FOXO1: variants seen among roughly 807,000 people sequenced by gnomAD.
The protein encoded by FOXO1 is forkhead box protein O1.
A neutral mutation model predicts 44.1 loss-of-function variants in FOXO1; 6 were observed. That is an observed-to-expected ratio of 0.14 (90% CI 0.07 to 0.27). The LOEUF is 0.27. FOXO1 is among the 10% of genes least tolerant of loss of function. The pLI is 1.00. For synonymous variants in FOXO1, 380 were observed against 362.7 expected (o/e 1.05, Z -0.54); for missense variants, 737 against 888.8 (o/e 0.83, Z 2.17).
rs140608722 is a variant in FOXO1, at chr13:40,632,429, G to A, written c.630+33154C>T. On this transcript the variant is annotated intron_variant, in intron 1 of 2. Transcript: ENST00000379561. ...TGGGCAAAGGGACCACTTGAGCCCC[G>A]GAGTTCGAGACCAGCCTGGACAACA... Among the ~76,000 whole-genome samples the A allele has an allele frequency of 2.1e-3, 315 of 152,180 alleles. 3 individuals carry two copies. Among genetic ancestry groups the A allele is most frequent in the African/African-American group, 7.3e-3 (303 of 41,520 alleles).
At chr13:40,590,716 A>C (rs1034100350) in intron 1 of FOXO1, among the ~76,000 whole-genome samples, 5 of 152,196 alleles carry the variant, frequency 3.3e-5, no homozygotes, top group African/African-American at 1.2e-4. Context: ...TTCCAGTTTC[A>C]ATAACATACC....
At chr13:40,634,340 C>T (rs138350644) in intron 1 of FOXO1, among the ~76,000 whole-genome samples, 5 of 152,284 alleles carry the variant, frequency 3.3e-5, no homozygotes, top group Admixed American at 3.3e-4. Flanking sequence ...AATTATTACA[C>T]CTTGCTGTAT....
intron 1 of FOXO1, chr13:40,621,145 C>T (rs1175144286): frequency 4.5e-6 from 2 of 446,142 alleles, no homozygotes; most frequent in Admixed American, 2.9e-5. Context: ...TTCCACCCAG[C>T]GCTAGAGCAT....
intron 1 of FOXO1, among the ~76,000 whole-genome samples, chr13:40,602,035 T>C (rs1875831931): frequency 1.3e-5 from 2 of 152,202 alleles, no homozygotes; most frequent in Non-Finnish European, 2.9e-5. Flanking sequence ...GAAAGATTCA[T>C]GTAAACCTTA....
chr13:40,665,471 G>T, intron 1 of FOXO1, 112 bp downstream of exon 1: 1 of 973,360 alleles, frequency 1.0e-6, no homozygotes, highest in Non-Finnish European at 1.3e-6. Flanking sequence ...CGCCCTCCTG[G>T]GAACGCGCTG....
chr13:40,582,308 G>A (rs143672712), intron 1 of FOXO1, among the ~76,000 whole-genome samples: 6 of 152,238 alleles, frequency 3.9e-5, no homozygotes, highest in South Asian at 4.2e-4. Flanking sequence ...AGTTGTGATC[G>A]GTTGCTGGAG....
At chr13:40,649,626 C>T (rs769265013) in intron 1 of FOXO1, among the ~76,000 whole-genome samples, 1 of 152,150 alleles carries the variant, frequency 6.6e-6, no homozygotes, top group Non-Finnish European at 1.5e-5. Context: ...TCATTTACAT[C>T]GTTCAATGAG....
At chr13:40,588,083 G>GGATTC (rs780845271) in intron 1 of FOXO1, among the ~76,000 whole-genome samples, 8 of 152,130 alleles carry the variant, frequency 5.3e-5, no homozygotes, top group Non-Finnish European at 1.2e-4. Context: ...AGGATAGAAA[G>GGATTC]GATTCAATTC....
At chr13:40,564,769 A>G (rs1025235837) in intron 1 of FOXO1, among the ~76,000 whole-genome samples, 1 of 149,960 alleles carries the variant, frequency 6.7e-6, no homozygotes, top group East Asian at 1.9e-4. Context: ...GCGTTTCTAC[A>G]TGACGGCACT....
chr13:40,661,972 G>A (rs778685010), intron 1 of FOXO1, among the ~76,000 whole-genome samples: 11 of 151,728 alleles, frequency 7.2e-5, no homozygotes, highest in Non-Finnish European at 1.2e-4. Flanking sequence ...AGGAGTTCGA[G>A]GCCAGCCAAG....
rs1194554494 is a variant in FOXO1 at position 40,666,494 on chromosome 13, C to T, written c.-282G>A. 1.5e-5 allele frequency: 5 copies of T among 334,640 alleles called. No homozygotes were observed. The highest frequency in any genetic ancestry group is 2.7e-5 in the Non-Finnish European group (5 of 184,454). 20.7% of individuals were successfully genotyped at this position (334,640 alleles called of 1,614,324 possible). On this transcript the variant is annotated 5_prime_UTR_variant, in exon 1 of 3. Coordinates refer to ENST00000379561, the MANE Select transcript of FOXO1 (RefSeq NM_002015.4). ...CCGGGGCAGAGCCTGCGCCGCGCTC[C>T]AGCTGACAGGGCCGCGGACGGAAGG...
At chr13:40,658,409 C>G (rs1343238611) in intron 1 of FOXO1, among the ~76,000 whole-genome samples, 1 of 152,122 alleles carries the variant, frequency 6.6e-6, no homozygotes, top group African/African-American at 2.4e-5. Context: ...ACCATTAACC[C>G]AACTGGGGAC....
chr13:40,613,525 G>A (rs543900453), intron 1 of FOXO1, among the ~76,000 whole-genome samples: 18 of 152,218 alleles, frequency 1.2e-4, no homozygotes, highest in East Asian at 5.8e-4. Flanking sequence ...GAGCAGCTCC[G>A]GTCCCCATCT....
intron 1 of FOXO1, among the ~76,000 whole-genome samples, chr13:40,624,543 G>T (rs576087742): frequency 1.8e-4 from 28 of 152,262 alleles, no homozygotes; most frequent in Admixed American, 3.3e-4. Context: ...CTGACTAAAG[G>T]GGGTGGGGTG....
intron 1 of FOXO1, among the ~76,000 whole-genome samples, chr13:40,604,588 A>G (rs1875930592): frequency 6.6e-6 from 1 of 152,196 alleles, no homozygotes; most frequent in Admixed American, 6.5e-5. Flanking sequence ...CATAATCTAT[A>G]CTACAGAGAA....
chr13:40,571,681 G>A (rs768829558), intron 1 of FOXO1, among the ~76,000 whole-genome samples: 2 of 152,142 alleles, frequency 1.3e-5, no homozygotes, highest in African/African-American at 4.8e-5. Flanking sequence ...GATGCAAAAG[G>A]CCCCACCACA....
In FOXO1 at chr13:40,559,737, T is replaced by C; in HGVS notation, c.1754A>G (p.Asn585Ser). 1 of 1,613,728 alleles carries C rather than the reference T, an allele frequency of 6.2e-7. No homozygotes were observed. The highest frequency in any genetic ancestry group is 1.1e-5 in the South Asian group (1 of 91,036). Reference protein sequence around the residue: ...LGGYSSVSSCNGYGRMGLLHQ... With the variant: ...LGGYSSVSSCSGYGRMGLLHQ... ...GAGAAGGCCCATTCTGCCATAGCCA[T>C]TGCAGCTGCTCACGGAGGAGTAGCC... The change falls in exon 2 of 3, where the codon AAT (asparagine) becomes AGT (serine). Residue 585 changes from asparagine to serine, a missense_variant. By Grantham distance (46) the Asn-to-Ser change is conservative (BLOSUM62 1). This residue lies in a region of FOXO1 where 283 missense variants were observed against 278.1 expected (regional missense o/e 1.02). Coordinates refer to ENST00000379561, the MANE Select transcript of FOXO1 (RefSeq NM_002015.4).
chr13:40,569,423 T>C (rs1038316427), intron 1 of FOXO1, among the ~76,000 whole-genome samples: 8 of 152,210 alleles, frequency 5.3e-5, no homozygotes, highest in African/African-American at 1.9e-4. Flanking sequence ...ACAATGACAA[T>C]AAACACTGGC....
At chr13:40,592,354 A>G (rs184118054) in intron 1 of FOXO1, among the ~76,000 whole-genome samples, 62 of 152,338 alleles carry the variant, frequency 4.1e-4, no homozygotes, top group Non-Finnish European at 6.9e-4. Flanking sequence ...CTCACTGTAC[A>G]ATTTGTTTTG....
Sources: allele counts gnomAD v4.1 joint callset (sites outside exome capture counted in the v4.1 genomes callset), GRCh38; gene constraint gnomAD v4.1.1; regional missense constraint gnomAD v4.1.1; transcripts MANE v1.5; gene names NCBI Gene and HGNC (gene_info 2026-07-23, HGNC 2026-07-21).